LNPEP: variants seen among roughly 807,000 people sequenced by gnomAD.
LNPEP encodes the protein leucyl and cystinyl aminopeptidase.
Under a neutral mutation model 120.6 loss-of-function variants are expected in LNPEP, and 64 were observed. The observed-to-expected ratio is 0.53, with a 90% CI of 0.43 to 0.65. The LOEUF (loss-of-function observed/expected upper bound fraction) is 0.65. Ranked by LOEUF, LNPEP falls within the 30% of genes least tolerant of loss-of-function variation. The pLI is 0.00. For missense variants in LNPEP, 1,057 were observed against 1,200.0 expected (o/e 0.88, Z 1.76); for synonymous variants, 435 against 425.4 (o/e 1.02, Z -0.28).
At chr5:97,020,174 A>G (rs1395519271) in intron 13 of LNPEP, among the ~76,000 whole-genome samples, 1 of 152,152 alleles carries the variant, frequency 6.6e-6, no homozygotes, top group Non-Finnish European at 1.5e-5. Flanking sequence ...ACAGTAAGTC[A>G]TTGCTAGGAT....
intron 11 of LNPEP, among the ~76,000 whole-genome samples, chr5:97,012,754 G>A (rs576157866): frequency 2.6e-4 from 39 of 152,154 alleles, no homozygotes; most frequent in Non-Finnish European, 3.2e-4. Context: ...AACTCTCAGC[G>A]CTTCATTATT....
At chr5:96,957,718 G>A (rs1789504107) in intron 1 of LNPEP, among the ~76,000 whole-genome samples, 2 of 152,124 alleles carry the variant, frequency 1.3e-5, no homozygotes, top group South Asian at 2.1e-4. Flanking sequence ...AAGGAATACA[G>A]CACTGTTGCT....
intron 8 of LNPEP, among the ~76,000 whole-genome samples, chr5:97,000,726 A>G (rs968237181): frequency 6.6e-6 from 1 of 152,184 alleles, no homozygotes; most frequent in African/African-American, 2.4e-5. Context: ...ACTTTGTCCC[A>G]TGCATCTTTT....
Position 96,986,523 on chromosome 5 carries a change from T to TC in LNPEP, c.1000-12dup. The TC allele has an allele frequency of 6.2e-7, 1 of 1,610,670 alleles. No individual in the cohort carries two copies. Among genetic ancestry groups the TC allele is most frequent in the Non-Finnish European group, 8.5e-7 (1 of 1,177,948 alleles). ...TTCCTATAGTTACAGAACTGTCTTT[T>TC]CCCCTTTGCTTGTAGAAGTCATCAG... On this transcript the variant is annotated splice_polypyrimidine_tract_variant and intron_variant, in intron 3 of 17. Transcript: ENST00000231368.
intron 13 of LNPEP, among the ~76,000 whole-genome samples, chr5:97,016,537 G>A (rs1404350224): frequency 1.3e-5 from 2 of 152,110 alleles, no homozygotes; most frequent in Non-Finnish European, 2.9e-5. Flanking sequence ...AAAGACTTCT[G>A]TTTCTGTTAT....
intron 1 of LNPEP, among the ~76,000 whole-genome samples, chr5:96,954,772 A>ATATAT: frequency 3.7e-5 from 1 of 27,108 alleles, no homozygotes; most frequent in Non-Finnish European, 6.8e-5. Context: ...ATATATATAT[A>ATATAT]TTTTTTTTTT....
At chr5:96,957,674 A>G (rs1789502372) in intron 1 of LNPEP, among the ~76,000 whole-genome samples, 1 of 152,170 alleles carries the variant, frequency 6.6e-6, no homozygotes, top group South Asian at 2.1e-4. Flanking sequence ...AAGCTGAAAA[A>G]CAGAAAGAAA....
At chr5:96,959,028 G>A (rs1219602160) in intron 1 of LNPEP, among the ~76,000 whole-genome samples, 1 of 152,038 alleles carries the variant, frequency 6.6e-6, no homozygotes, top group African/African-American at 2.4e-5. Context: ...GTTTCACCAT[G>A]TTGGCCAGGA....
intron 1 of LNPEP, among the ~76,000 whole-genome samples, chr5:96,941,600 A>T (rs188646427): frequency 6.6e-6 from 1 of 152,144 alleles, no homozygotes; most frequent in Non-Finnish European, 1.5e-5. Flanking sequence ...AGTTCTTTTT[A>T]TATCTAGATC....
Position 97,024,537 on chromosome 5 carries a change from A to G in LNPEP, c.2578A>G (p.Met860Val), listed in dbSNP as rs1417281751. 6 of 1,613,870 alleles carry G rather than the reference A, an allele frequency of 3.7e-6. No individual in the cohort carries two copies. The highest frequency in any genetic ancestry group is 1.3e-5 in the African/African-American group (1 of 74,930). The change falls in exon 15 of 18, where the codon ATG becomes GTG. Residue 860 changes from methionine (M) to valine (V), a missense_variant. By Grantham distance (21) the Met-to-Val change is conservative (BLOSUM62 1). Coordinates refer to ENST00000231368, the MANE Select transcript of LNPEP (RefSeq NM_005575.3). ...NGTQSLPTDV[M>V]TTVFKVGAKT... ...CTCTTACAGCCTACCTACTGATGTC[A>G]TGACAACTGTGTTCAAAGTTGGAGC...
intron 1 of LNPEP, among the ~76,000 whole-genome samples, chr5:96,939,216 CTT>C (rs34230118): frequency 1.4e-4 from 19 of 139,308 alleles, no homozygotes; most frequent in East Asian, 6.3e-4. Context: ...TGTATACTTT[CTT>C]TTTTTTTTTT....
intron 11 of LNPEP, among the ~76,000 whole-genome samples, chr5:97,012,538 T>G (rs1305276492): frequency 6.6e-6 from 1 of 152,154 alleles, no homozygotes; most frequent in East Asian, 1.9e-4. Context: ...TGCTAGGTCA[T>G]TGTTATAGGG....
At chr5:96,982,148 A>G (rs750423871) in intron 2 of LNPEP, among the ~76,000 whole-genome samples, 1 of 152,144 alleles carries the variant, frequency 6.6e-6, no homozygotes, top group Non-Finnish European at 1.5e-5. Context: ...CCAGCATCTC[A>G]TGGCAAGCAG....
chr5:97,016,369 T>G (rs1243647954), intron 13 of LNPEP, among the ~76,000 whole-genome samples: 1 of 152,116 alleles, frequency 6.6e-6, no homozygotes, highest in Non-Finnish European at 1.5e-5. Context: ...CACACCGTGC[T>G]TAGTGCTTAA....
rs1400536864 is a variant in LNPEP, at chr5:97,037,442, C to T, written c.*8909C>T. 6.6e-6 allele frequency: 1 copy of T among 152,098 alleles called. No individual in the cohort carries two copies. Among genetic ancestry groups the T allele is most frequent in the African/African-American group, 2.4e-5 (1 of 41,428 alleles). 9.4% of individuals were successfully genotyped at this position (152,098 alleles called of 1,614,324 possible). On this transcript the variant is annotated 3_prime_UTR_variant, in exon 18 of 18. Transcript: ENST00000231368. ...TTGTTTTGCATATGACCAGCACTGA[C>T]TGAAAGGCATGTGTAGCTGCAAACA... is the stretch of plus-strand genomic sequence containing the variant.
At chr5:97,015,884 A>G (rs1357323255) in intron 13 of LNPEP, among the ~76,000 whole-genome samples, 1 of 152,056 alleles carries the variant, frequency 6.6e-6, no homozygotes, top group Non-Finnish European at 1.5e-5. Context: ...GGGTTGGATT[A>G]AATCATTTTT....
intron 13 of LNPEP, among the ~76,000 whole-genome samples, chr5:97,020,719 G>A (rs779732251): frequency 5.9e-5 from 9 of 152,040 alleles, no homozygotes; most frequent in African/African-American, 9.7e-5. Flanking sequence ...GGAGAATGAC[G>A]TGAACCTGGG....
intron 1 of LNPEP, among the ~76,000 whole-genome samples, chr5:96,966,210 A>G (rs1581990221): frequency 6.6e-6 from 1 of 152,190 alleles, no homozygotes; most frequent in African/African-American, 2.4e-5. Flanking sequence ...TTTGAAAGTG[A>G]TGGAGGCCAA....
chr5:96,957,227 C>T (rs1301830081), intron 1 of LNPEP, among the ~76,000 whole-genome samples: 1 of 152,106 alleles, frequency 6.6e-6, no homozygotes, highest in East Asian at 1.9e-4. Flanking sequence ...ACTCTTTTAT[C>T]CTCTGAAGAA....
Sources: allele counts gnomAD v4.1 joint callset (sites outside exome capture counted in the v4.1 genomes callset), GRCh38; gene constraint gnomAD v4.1.1; transcripts MANE v1.5; gene names NCBI Gene and HGNC (gene_info 2026-07-23, HGNC 2026-07-21).